PCDHA8: variants seen among roughly 807,000 people sequenced by gnomAD.
PCDHA8 encodes the protein protocadherin alpha 8.
PCDHA8 carries 53 observed loss-of-function variants against 61.8 expected under a neutral mutation model. The ratio of observed to expected loss-of-function variants is 0.86; its 90% CI spans 0.69 to 1.08. The LOEUF is 1.08. PCDHA8 is among the 50% of genes least tolerant of loss of function. The pLI, the probability that PCDHA8 is intolerant of heterozygous loss-of-function variation, is 0.00. For missense variants in PCDHA8, 1,293 were observed against 1,245.0 expected, an observed-to-expected ratio of 1.04 and a Z score of -0.58; for synonymous variants, 618 against 556.6, an observed-to-expected ratio of 1.11 and a Z score of -1.55.
chr5:140,957,145 T>A (rs1554222837), intron 1 of PCDHA8, among the ~76,000 whole-genome samples: 1 of 152,156 alleles, frequency 6.6e-6, no homozygotes, highest in Non-Finnish European at 1.5e-5. Context: ...GAACTAAAAA[T>A]TTTGGAGACA....
At chr5:140,887,238 C>T (rs1191260946) in intron 1 of PCDHA8, among the ~76,000 whole-genome samples, 11 of 151,856 alleles carry the variant, frequency 7.2e-5, no homozygotes, top group East Asian at 3.9e-4. Flanking sequence ...CTGAGACTAC[C>T]GGCGCCCGCC....
At chr5:140,968,909 G>T in intron 1 of PCDHA8, 1 of 1,614,172 alleles carries the variant, frequency 6.2e-7, no homozygotes, top group East Asian at 2.2e-5. Flanking sequence ...ATTAAGCACA[G>T]TGTCTTTTAT....
At position 140,856,636 on chromosome 5, in the gene PCDHA8, G is replaced by A. The variant is rs368149411; in HGVS notation, c.2394+12921G>A. 231 of 1,598,104 alleles carry A rather than the reference G, an allele frequency of 1.4e-4. 24 individuals are homozygous for A. The highest frequency in any genetic ancestry group is 1.6e-4 in the Non-Finnish European group (182 of 1,167,716). The stretch of plus-strand genomic sequence containing the variant: ...ACAAATTCCCAGTGCTTGTTCTGCG[G>A]AAGCTGCTGGATCGTGAAGAAAATC... On this transcript the variant is annotated intron_variant, in intron 1 of 3. Coordinates refer to ENST00000531613, the MANE Select transcript of PCDHA8 (RefSeq NM_018911.3).
At position 140,920,535 on chromosome 5, in the gene PCDHA8, T is replaced by C. The variant is rs75447697; in HGVS notation, c.2395-58414T>C. ...TATGCAATTCGTTAGACTCAGGTTT[T>C]CTATTTCACCTTCGAAGTGTGGCCC... is the stretch of plus-strand genomic sequence containing the variant. On this transcript the variant is annotated intron_variant, in intron 1 of 3. Transcript: ENST00000531613. Among the ~76,000 whole-genome samples the C allele has an allele frequency of 1.3e-3, 198 of 152,336 alleles. 1 individual carries two copies. Among genetic ancestry groups the C allele is most frequent in the African/African-American group, 4.5e-3 (189 of 41,590 alleles).
chr5:140,882,303 G>A, intron 1 of PCDHA8: 1 of 1,613,824 alleles, frequency 6.2e-7, no homozygotes. Context: ...CCAAGACCGC[G>A]GCAACTACTG....
At chr5:141,002,184 T>A (rs1554258557) in intron 3 of PCDHA8, among the ~76,000 whole-genome samples, 1 of 152,218 alleles carries the variant, frequency 6.6e-6, no homozygotes, top group East Asian at 1.9e-4. Flanking sequence ...CAGAGTGCTG[T>A]CTGGCAAGAT....
At chr5:140,846,591 G>A (rs1236842497) in intron 1 of PCDHA8, among the ~76,000 whole-genome samples, 3 of 148,580 alleles carry the variant, frequency 2.0e-5, no homozygotes, top group African/African-American at 7.4e-5. Context: ...AGCCAGGATG[G>A]TCTCGATCTC....
chr5:140,898,321 G>T (rs370229202), intron 1 of PCDHA8, among the ~76,000 whole-genome samples: 1 of 151,946 alleles, frequency 6.6e-6, no homozygotes. Context: ...TTATGGTTTT[G>T]GGTCTAACGT....
At chr5:140,968,757 A>T in intron 1 of PCDHA8, 1 of 1,614,204 alleles carries the variant, frequency 6.2e-7, no homozygotes, top group Non-Finnish European at 8.5e-7. Context: ...GTGGTCCGAG[A>T]TAATGGAGAG....
chr5:140,944,697 T>C (rs1227405627), intron 1 of PCDHA8, among the ~76,000 whole-genome samples: 1 of 152,198 alleles, frequency 6.6e-6, no homozygotes, highest in Non-Finnish European at 1.5e-5. Context: ...ATAACAGTAA[T>C]TATCAGGTTA....
chr5:140,958,872 G>T (rs993434831), intron 1 of PCDHA8, among the ~76,000 whole-genome samples: 1 of 151,970 alleles, frequency 6.6e-6, no homozygotes, highest in Non-Finnish European at 1.5e-5. Context: ...GTTTATAAAA[G>T]AATTGACCAG....
intron 1 of PCDHA8, among the ~76,000 whole-genome samples, chr5:140,845,543 T>C (rs1416946225): frequency 6.7e-6 from 1 of 149,544 alleles, no homozygotes; most frequent in Non-Finnish European, 1.5e-5. Flanking sequence ...ATTCTAATTA[T>C]GGTGATGCTT....
At chr5:140,870,001 G>A (rs782788057) in intron 1 of PCDHA8, 1 of 1,613,566 alleles carries the variant, frequency 6.2e-7, no homozygotes, top group Non-Finnish European at 8.5e-7. Flanking sequence ...AAATAATGGA[G>A]AAGTGAGGGT....
chr5:140,996,372 G>A (rs898606404), intron 3 of PCDHA8, among the ~76,000 whole-genome samples: 1 of 152,180 alleles, frequency 6.6e-6, no homozygotes, highest in Non-Finnish European at 1.5e-5. Context: ...TTTTGTTGTC[G>A]GCTGAAATAA....
At chr5:140,882,332 G>A (rs782439110) in intron 1 of PCDHA8, 1 of 1,614,178 alleles carries the variant, frequency 6.2e-7, no homozygotes, top group Non-Finnish European at 8.5e-7. Flanking sequence ...TCTGATCCTC[G>A]CAGCCTGGGA....
Position 140,857,427 on chromosome 5 carries a change from C to A in PCDHA8, c.2394+13712C>A, listed in dbSNP as rs781871079. 21 of 1,598,334 alleles carry A rather than the reference C, an allele frequency of 1.3e-5. 1 individual carries two copies. The highest frequency in any genetic ancestry group is 4.4e-5 in the South Asian group (4 of 90,554). On this transcript the variant is annotated intron_variant, in intron 1 of 3. Transcript: ENST00000531613. ...CCTGCGTTCGCGCAGTCCGAGTACACGGTGTTCGTGAAGGAGAACAACCCG... is the reference window on the plus strand; with the variant it reads ...CCTGCGTTCGCGCAGTCCGAGTACAAGGTGTTCGTGAAGGAGAACAACCCG...
intron 1 of PCDHA8, chr5:140,926,986 C>A (rs782199565): frequency 8.1e-6 from 13 of 1,610,594 alleles, no homozygotes; most frequent in Non-Finnish European, 2.5e-6. Flanking sequence ...GGAGACGGAG[C>A]GGGGCGTAGC....
chr5:140,938,261 A>G (rs1325957872), intron 1 of PCDHA8, among the ~76,000 whole-genome samples: 2 of 152,182 alleles, frequency 1.3e-5, no homozygotes, highest in Non-Finnish European at 2.9e-5. Flanking sequence ...AAAACTTTCT[A>G]ATCACATAGT....
intron 1 of PCDHA8, among the ~76,000 whole-genome samples, chr5:140,962,168 C>A (rs1207333516): frequency 1.3e-5 from 2 of 152,152 alleles, no homozygotes; most frequent in African/African-American, 4.8e-5. Flanking sequence ...AGCCACCACA[C>A]CCGGCCACTT....
Sources: allele counts gnomAD v4.1 joint callset (sites outside exome capture counted in the v4.1 genomes callset), GRCh38; gene constraint gnomAD v4.1.1; transcripts MANE v1.5; gene names NCBI Gene and HGNC (gene_info 2026-07-23, HGNC 2026-07-21).